Variants in TRIM16 observed in about 807,000 individuals in gnomAD.
TRIM16 encodes tripartite motif containing 16.
TRIM16 carries 33 observed loss-of-function variants against 50.4 expected under a neutral mutation model. The ratio of observed to expected loss-of-function variants is 0.65; its 90% confidence interval spans 0.50 to 0.88. The LOEUF (loss-of-function observed/expected upper bound fraction) is 0.88. TRIM16 is among the 40% of genes least tolerant of loss of function. TRIM16 has a pLI of 0.00. For synonymous variants in TRIM16, 229 were observed against 270.7 expected, an observed-to-expected ratio of 0.85 and a Z score of 1.51; for missense variants, 581 against 686.8, an observed-to-expected ratio of 0.85 and a Z score of 1.72.
chr17:15,660,726 A>C (rs954695500), intron 6 of TRIM16, among the ~76,000 whole-genome samples: 2 of 151,950 alleles, frequency 1.3e-5, no homozygotes, highest in Non-Finnish European at 2.9e-5. Flanking sequence ...GTGAAACCCC[A>C]TCTCTACTAA....
At chr17:15,668,822 C>T (rs2151417898) in intron 6 of TRIM16, among the ~76,000 whole-genome samples, 1 of 152,096 alleles carries the variant, frequency 6.6e-6, no homozygotes, top group South Asian at 2.1e-4. Flanking sequence ...AGGAATTATT[C>T]AATAAGGACA....
At chr17:15,637,936 C>G (rs1986917321) in intron 8 of TRIM16, among the ~76,000 whole-genome samples, 1 of 142,074 alleles carries the variant, frequency 7.0e-6, no homozygotes. Context: ...TCCTGTTGAT[C>G]TGTGACCTTA....
intron 7 of TRIM16, among the ~76,000 whole-genome samples, chr17:15,648,352 T>C (rs1340224679): frequency 6.6e-6 from 1 of 151,382 alleles, no homozygotes; most frequent in Non-Finnish European, 1.5e-5. Flanking sequence ...CTCTGGAAGC[T>C]CAGCAGGAGA....
chr17:15,659,678 A>T (rs901575321), intron 6 of TRIM16, among the ~76,000 whole-genome samples: 5 of 152,228 alleles, frequency 3.3e-5, no homozygotes, highest in Non-Finnish European at 7.3e-5. Context: ...GTAAATCTTT[A>T]AAAAATCTGT....
At chr17:15,677,839 T>C (rs1441871294) in intron 4 of TRIM16, 118 bp from the exon 5 acceptor site, 1 of 804,492 alleles carries the variant, frequency 1.2e-6, no homozygotes, top group Non-Finnish European at 1.5e-6. Context: ...TATTAAAGAA[T>C]CTTAAAATCT....
intron 11 of TRIM16, among the ~76,000 whole-genome samples, chr17:15,629,960 G>A: frequency 6.6e-6 from 1 of 152,162 alleles, no homozygotes; most frequent in South Asian, 2.1e-4. Context: ...CCACAACAGA[G>A]CCATGCTGCT....
intron 6 of TRIM16, among the ~76,000 whole-genome samples, chr17:15,656,989 C>T (rs1412262568): frequency 6.6e-6 from 1 of 151,994 alleles, no homozygotes; most frequent in Non-Finnish European, 1.5e-5. Flanking sequence ...GAGTTTCAAA[C>T]TCCTGGGCTC....
intron 7 of TRIM16, among the ~76,000 whole-genome samples, chr17:15,649,155 G>T (rs1044477860): frequency 6.6e-6 from 1 of 151,146 alleles, no homozygotes; most frequent in Admixed American, 6.6e-5. Flanking sequence ...GTTGGTACAG[G>T]CATAGAACAT....
intron 7 of TRIM16, among the ~76,000 whole-genome samples, chr17:15,645,999 A>C (rs1401822437): frequency 6.6e-6 from 1 of 152,232 alleles, no homozygotes; most frequent in Non-Finnish European, 1.5e-5. Context: ...GGTGGAAGAC[A>C]CATCAGAACA....
In TRIM16 at chr17:15,651,812, C is replaced by G; in HGVS notation, c.-203G>C. On this transcript the variant is annotated 5_prime_UTR_variant, in exon 7 of 12. Transcript: ENST00000649191. ...GCCAGATGCGATGACGACAAGGCAG[C>G]TAGAGTACTCAGGCTCAGGACAGCC... The G allele has an allele frequency of 6.9e-7, 1 of 1,451,892 alleles. No homozygotes were observed. The highest frequency in any genetic ancestry group is 9.0e-7 in the Non-Finnish European group (1 of 1,107,234). The allele number at this position is 1,451,892 out of a possible 1,614,324, so 89.9% of individuals were successfully genotyped here. A position where few individuals can be genotyped will look rare whatever the true frequency, so the allele number is the denominator to read the frequency against.
intron 8 of TRIM16, among the ~76,000 whole-genome samples, chr17:15,638,181 C>G (rs1218701425): frequency 7.7e-6 from 1 of 129,362 alleles, no homozygotes; most frequent in Non-Finnish European, 1.6e-5. Flanking sequence ...CTGACCTTCC[C>G]TCCACTATTG....
intron 6 of TRIM16, among the ~76,000 whole-genome samples, chr17:15,664,788 G>A (rs910315682): frequency 7.9e-5 from 12 of 151,042 alleles, no homozygotes; most frequent in Non-Finnish European, 1.5e-4. Context: ...TCATCCCAGC[G>A]CTCTGGAAGG....
intron 8 of TRIM16, 132 bp from the exon 9 acceptor site, chr17:15,636,401 A>C (rs1166520565): frequency 1.2e-6 from 1 of 824,770 alleles, no homozygotes; most frequent in East Asian, 2.8e-5. Flanking sequence ...TTGTAAAAGG[A>C]ATCCTTTATT....
At chr17:15,673,907 T>G (rs1401995633) in intron 6 of TRIM16, among the ~76,000 whole-genome samples, 1 of 152,194 alleles carries the variant, frequency 6.6e-6, no homozygotes, top group Non-Finnish European at 1.5e-5. Context: ...CTTCCCTAAC[T>G]CTTCTGTTGG....
At chr17:15,643,811 A>G (rs2150910386) in intron 7 of TRIM16, among the ~76,000 whole-genome samples, 1 of 152,366 alleles carries the variant, frequency 6.6e-6, no homozygotes, top group South Asian at 2.1e-4. Context: ...CCAAACAGGG[A>G]GTGTAGGGTT....
At chr17:15,671,084 A>C (rs1295671267) in intron 6 of TRIM16, among the ~76,000 whole-genome samples, 1 of 152,268 alleles carries the variant, frequency 6.6e-6, no homozygotes, top group Non-Finnish European at 1.5e-5. Flanking sequence ...ATATCTTCTG[A>C]TACAGTCAAC....
chr17:15,632,108 A>G (rs199614658), intron 10 of TRIM16: 1 of 302,550 alleles, frequency 3.3e-6, no homozygotes, highest in Non-Finnish European at 6.3e-6. Context: ...GAGACATTTG[A>G]CTGGGCACGG....
intron 8 of TRIM16, among the ~76,000 whole-genome samples, chr17:15,637,620 TGG>T (rs1986882391): frequency 3.5e-5 from 1 of 28,516 alleles, no homozygotes; most frequent in African/African-American, 2.2e-4. Flanking sequence ...GGGAGGGAGG[TGG>T]GGGGGGGTCA....
chr17:15,639,361 T>C lies in TRIM16; in HGVS notation c.616-3092A>G, dbSNP rs148390826. On this transcript the variant is annotated intron_variant, in intron 8 of 11. Coordinates refer to ENST00000649191, the MANE Select transcript of TRIM16 (RefSeq NM_001348119.1). The stretch of plus-strand genomic sequence containing the variant: ...GTGGGATTACGTCCAGCCTACATTC[T>C]CATTTTTATGCCAACTTTTCCGTTG... Among the ~76,000 whole-genome samples the C allele has an allele frequency of 1.9e-3, 279 of 148,594 alleles. 15 individuals are homozygous for C. The highest frequency in any genetic ancestry group is 6.7e-3 in the African/African-American group (269 of 39,978).
Sources: allele counts gnomAD v4.1 joint callset (sites outside exome capture counted in the v4.1 genomes callset), GRCh38; gene constraint gnomAD v4.1.1; transcripts MANE v1.5; gene names NCBI Gene and HGNC (gene_info 2026-07-23, HGNC 2026-07-21).